PRKG1: variants seen among roughly 807,000 people sequenced by gnomAD.
The protein encoded by PRKG1 is cGMP-dependent protein kinase 1.
A neutral mutation model predicts 88.1 loss-of-function variants in PRKG1; 35 were observed. The observed-to-expected ratio is 0.40, with a 90% confidence interval of 0.30 to 0.53. The LOEUF (loss-of-function observed/expected upper bound fraction) is 0.53, where lower values mean the gene tolerates loss of function less well. Ranked by LOEUF, PRKG1 falls within the 20% of genes least tolerant of loss-of-function variation. The pLI, the probability that PRKG1 is intolerant of heterozygous loss-of-function variation, is 0.59. For missense variants in PRKG1, 540 were observed against 839.8 expected (o/e 0.64, Z 4.41); for synonymous variants, 303 against 292.5 (o/e 1.04, Z -0.37).
chr10:52,284,873 T>C lies in PRKG1; in HGVS notation c.1709+2557T>C, dbSNP rs181358032. ...GTGAAAAGGGGGAGAGAGGCAGTGA[T>C]TAATGATTTCAGAGAATGTGGTGGG... On this transcript the variant is annotated intron_variant, in intron 14 of 17. Coordinates refer to ENST00000373980, the MANE Select transcript of PRKG1 (RefSeq NM_006258.4). Among the ~76,000 whole-genome samples the C allele has an allele frequency of 1.2e-4, 18 of 152,122 alleles. No individual in the cohort carries two copies. In the East Asian group the frequency reaches 3.5e-3, roughly 29 times the overall value.
intron 9 of PRKG1, among the ~76,000 whole-genome samples, chr10:52,170,131 T>C (rs1838624604): frequency 6.6e-6 from 1 of 152,194 alleles, no homozygotes; most frequent in African/African-American, 2.4e-5. Context: ...CTTAATATTG[T>C]AGTATAAATT....
At chr10:52,156,589 T>C (rs1371485904) in intron 8 of PRKG1, among the ~76,000 whole-genome samples, 2 of 151,706 alleles carry the variant, frequency 1.3e-5, no homozygotes, top group Non-Finnish European at 3.0e-5. Context: ...TTATTTTATT[T>C]GGGGGTAATT....
chr10:51,824,843 G>T (rs954547991), intron 4 of PRKG1, among the ~76,000 whole-genome samples: 1 of 152,004 alleles, frequency 6.6e-6, no homozygotes, highest in Admixed American at 6.6e-5. Context: ...ATTCATGAGG[G>T]ATTCACCCCC....
intron 5 of PRKG1, among the ~76,000 whole-genome samples, chr10:51,976,355 T>G (rs1222132616): frequency 6.6e-6 from 1 of 151,962 alleles, no homozygotes; most frequent in Non-Finnish European, 1.5e-5. Context: ...GCCATGCAAA[T>G]GTCTATCATG....
chr10:51,673,594 C>T lies in PRKG1; in HGVS notation c.593-130991C>T, dbSNP rs1036114971. Reference sequence around the variant, plus strand: ...CTGAGGAATGATGTGATATGACTTACAGTTCTCTGGACCACTGTAATTTTC... The same window carrying T: ...CTGAGGAATGATGTGATATGACTTATAGTTCTCTGGACCACTGTAATTTTC... On this transcript the variant is annotated intron_variant, in intron 3 of 17. Coordinates refer to ENST00000373980, the MANE Select transcript of PRKG1 (RefSeq NM_006258.4). Among the ~76,000 whole-genome samples the T allele has an allele frequency of 5.3e-5, 8 of 152,020 alleles. No homozygotes were observed. The East Asian group carries it at 1.2e-3, about 22-fold the overall frequency.
intron 9 of PRKG1, among the ~76,000 whole-genome samples, chr10:52,222,977 C>G (rs1790663481): frequency 6.6e-6 from 1 of 152,162 alleles, no homozygotes; most frequent in Non-Finnish European, 1.5e-5. Context: ...TGGCTTATCA[C>G]TGGTTTGACC....
chr10:52,067,971 G>A (rs1459320347), intron 7 of PRKG1, among the ~76,000 whole-genome samples: 2 of 105,042 alleles, frequency 1.9e-5, no homozygotes, highest in Non-Finnish European at 4.9e-5. Context: ...TTGGGAGGCC[G>A]AGACGGGCGG....
intron 4 of PRKG1, among the ~76,000 whole-genome samples, chr10:51,820,563 G>C (rs535052547): frequency 1.7e-4 from 26 of 152,192 alleles, no homozygotes; most frequent in African/African-American, 5.8e-4. Context: ...TGTTTCCTAT[G>C]AGCCTAGGAC....
chr10:51,578,429 T>G (rs1837942718), intron 3 of PRKG1, among the ~76,000 whole-genome samples: 1 of 152,152 alleles, frequency 6.6e-6, no homozygotes. Context: ...CCAATCCTCA[T>G]CTTTTGACAG....
chr10:51,644,723 A>T (rs1185918322), intron 3 of PRKG1, among the ~76,000 whole-genome samples: 1 of 152,114 alleles, frequency 6.6e-6, no homozygotes, highest in Non-Finnish European at 1.5e-5. Flanking sequence ...AGAGATGCAC[A>T]ATCTGGGCAC....
At chr10:51,570,336 A>G (rs959942210) in intron 3 of PRKG1, among the ~76,000 whole-genome samples, 1 of 151,906 alleles carries the variant, frequency 6.6e-6, no homozygotes, top group African/African-American at 2.4e-5. Context: ...TATGTATTAT[A>G]TACTGTATTC....
At chr10:51,772,869 A>G (rs1187288847) in intron 3 of PRKG1, among the ~76,000 whole-genome samples, 2 of 152,084 alleles carry the variant, frequency 1.3e-5, no homozygotes, top group African/African-American at 2.4e-5. Context: ...TCAGTAATGT[A>G]AAGTGATTGA....
intron 2 of PRKG1, among the ~76,000 whole-genome samples, chr10:51,423,728 G>T (rs1347592245): frequency 1.3e-5 from 2 of 152,054 alleles, no homozygotes; most frequent in East Asian, 3.8e-4. Context: ...AACCTCCTGA[G>T]GGTTTATCTG....
At chr10:51,114,414 TTGTC>T (rs542462322) in intron 1 of PRKG1, among the ~76,000 whole-genome samples, 63 of 148,352 alleles carry the variant, frequency 4.2e-4, no homozygotes, top group African/African-American at 9.6e-4. Context: ...GTTGTATTGA[TTGTC>T]TGCTACCCAT....
rs1404438500 is a variant in PRKG1, at chr10:51,363,099, T to G, written c.479-104624T>G. On this transcript the variant is annotated intron_variant, in intron 2 of 17. Coordinates refer to ENST00000373980, the MANE Select transcript of PRKG1 (RefSeq NM_006258.4). ...CAAAAGATGCTACATGAATCTCAGA[T>G]GTTCTTATTTTTTAAATGTCCTTAT... 2.0e-5 allele frequency among the ~76,000 whole-genome samples: 3 copies of G among 151,834 alleles called. No individual in the cohort carries two copies. The East Asian group carries it at 5.8e-4, about 29-fold the overall frequency.
At chr10:51,554,699 A>AG (rs1202372092) in intron 3 of PRKG1, among the ~76,000 whole-genome samples, 12 of 150,188 alleles carry the variant, frequency 8.0e-5, no homozygotes, top group African/African-American at 2.9e-4. Context: ...TAAGGGGAAA[A>AG]AAGTACAATA....
At chr10:51,754,986 T>G (rs1254894880) in intron 3 of PRKG1, among the ~76,000 whole-genome samples, 1 of 149,040 alleles carries the variant, frequency 6.7e-6, no homozygotes, top group African/African-American at 2.5e-5. Flanking sequence ...CAATTATGCT[T>G]TGGAATAACA....
chr10:52,080,978 G>C (rs758533816), intron 7 of PRKG1, among the ~76,000 whole-genome samples: 5 of 152,080 alleles, frequency 3.3e-5, no homozygotes, highest in Non-Finnish European at 7.3e-5. Context: ...AATAGGCTGA[G>C]GCCTCTGTTG....
At chr10:51,864,991 G>T (rs984411118) in intron 4 of PRKG1, among the ~76,000 whole-genome samples, 1 of 151,966 alleles carries the variant, frequency 6.6e-6, no homozygotes, top group African/African-American at 2.4e-5. Flanking sequence ...GGATAATTAT[G>T]GAATATAAAT....
Sources: gnomAD v4.1 joint callset for allele counts (sites outside exome capture counted in the v4.1 genomes callset) on GRCh38, gnomAD v4.1.1 for gene constraint, MANE v1.5 for transcripts, NCBI Gene and HGNC (gene_info 2026-07-23, HGNC 2026-07-21) for gene names.